NBEA: variants seen among roughly 807,000 people sequenced by gnomAD.
The protein encoded by NBEA is lysosomal-trafficking regulator 2.
NBEA carries 44 observed loss-of-function variants against 343.4 expected under a neutral mutation model. The ratio of observed to expected loss-of-function variants is 0.13; its 90% CI spans 0.10 to 0.16. The LOEUF is 0.16. Ranked by LOEUF, NBEA falls within the 10% of genes least tolerant of loss-of-function variation. The pLI is 1.00. For synonymous variants in NBEA, 1,175 were observed against 1,238.7 expected (o/e 0.95, Z 1.08); for missense variants, 2,555 against 3,631.3 (o/e 0.70, Z 7.62).
intron 1 of NBEA, among the ~76,000 whole-genome samples, chr13:34,958,675 G>C (rs1013976606): frequency 6.6e-6 from 1 of 152,204 alleles, no homozygotes; most frequent in East Asian, 1.9e-4. Flanking sequence ...TAGAACTCCG[G>C]GCATTTGTGA....
rs2075441268 is a variant in NBEA, at chr13:35,467,562, T to C, written c.6449-4838T>C. ...ATTATTTCCCTACAATGTATACCAC[T>C]TTATAAAAATAATTGTAAAAATTTA... On this transcript the variant is annotated intron_variant, in intron 40 of 58. Transcript: ENST00000379939. 2.0e-5 allele frequency among the ~76,000 whole-genome samples: 3 copies of C among 152,234 alleles called. 1 individual carries two copies. In the South Asian group the frequency reaches 6.2e-4, roughly 32 times the overall value.
At chr13:34,995,615 A>C (rs1013857162) in intron 1 of NBEA, among the ~76,000 whole-genome samples, 4 of 150,740 alleles carry the variant, frequency 2.7e-5, no homozygotes, top group Non-Finnish European at 5.9e-5. Context: ...AGAGTGGGAC[A>C]AAAAAAAACA....
Position 35,045,369 on chromosome 13 carries a change from A to G in NBEA, c.691A>G (p.Thr231Ala). Residue 231 changes from threonine to alanine, a missense_variant, in exon 4 of 59, where the codon ACT becomes GCT. Coordinates refer to ENST00000379939, the MANE Select transcript of NBEA (RefSeq NM_001385012.1). ...NQMPQRHGPD[T>A]FFNFPGCSAA... Reference sequence around the variant, plus strand: ...GATGCCACAGAGACACGGTCCTGATACTTTTTTCAATTTCCCTGGTTGTAG... The same window carrying G: ...GATGCCACAGAGACACGGTCCTGATGCTTTTTTCAATTTCCCTGGTTGTAG... 6.2e-7 allele frequency: 1 copy of G among 1,612,100 alleles called. No individual in the cohort carries two copies. Among genetic ancestry groups the G allele is most frequent in the Non-Finnish European group, 8.5e-7 (1 of 1,179,034 alleles).
At chr13:35,004,755 T>A (rs1274732954) in intron 1 of NBEA, among the ~76,000 whole-genome samples, 3 of 152,198 alleles carry the variant, frequency 2.0e-5, no homozygotes, top group African/African-American at 7.2e-5. Context: ...AAGATGAAGG[T>A]GCTATCTGGT....
intron 48 of NBEA, among the ~76,000 whole-genome samples, chr13:35,611,214 ATACAAG>A (rs1467783603): frequency 6.6e-6 from 1 of 152,182 alleles, no homozygotes; most frequent in African/African-American, 2.4e-5. Flanking sequence ...ATGAAAACTT[ATACAAG>A]TACATCAATG....
intron 17 of NBEA, among the ~76,000 whole-genome samples, chr13:35,133,735 G>A (rs974549573): frequency 3.3e-5 from 5 of 151,908 alleles, no homozygotes; most frequent in African/African-American, 1.2e-4. Context: ...TCAAAAATAC[G>A]TGAAGACAAA....
chr13:35,131,716 G>A (rs888020553), intron 17 of NBEA, among the ~76,000 whole-genome samples: 1 of 152,110 alleles, frequency 6.6e-6, no homozygotes, highest in Admixed American at 6.5e-5. Flanking sequence ...CTTAAAGCTA[G>A]CAAAATTGTT....
chr13:35,299,033 T>A (rs2036354136), intron 35 of NBEA, among the ~76,000 whole-genome samples: 1 of 152,136 alleles, frequency 6.6e-6, no homozygotes, highest in Non-Finnish European at 1.5e-5. Context: ...AGAGTGTTTT[T>A]TTCACTTCAC....
chr13:35,491,730 C>T (rs924580203), intron 41 of NBEA, among the ~76,000 whole-genome samples: 3 of 151,784 alleles, frequency 2.0e-5, no homozygotes, highest in Non-Finnish European at 4.4e-5. Flanking sequence ...AGAAAAAGTA[C>T]AAGGAATTAT....
chr13:35,197,854 C>A (rs948457887), intron 31 of NBEA, among the ~76,000 whole-genome samples: 2 of 152,086 alleles, frequency 1.3e-5, no homozygotes, highest in African/African-American at 4.8e-5. Context: ...AACACTTTTG[C>A]CAGTGTTTTA....
intron 38 of NBEA, among the ~76,000 whole-genome samples, chr13:35,355,989 C>T (rs2040471743): frequency 6.6e-6 from 1 of 151,874 alleles, no homozygotes; most frequent in Non-Finnish European, 1.5e-5. Flanking sequence ...AGCATGTAAG[C>T]TTCATAATGT....
At chr13:35,210,924 T>C (rs936117741) in intron 32 of NBEA, 129 bp from the exon 33 acceptor site, 2 of 903,586 alleles carry the variant, frequency 2.2e-6, no homozygotes, top group South Asian at 3.3e-5. Flanking sequence ...AATGGCCAAA[T>C]GATTAATTGT....
At chr13:35,355,769 C>T (rs1490458807) in intron 38 of NBEA, among the ~76,000 whole-genome samples, 1 of 151,820 alleles carries the variant, frequency 6.6e-6, no homozygotes, top group African/African-American at 2.4e-5. Context: ...CCAAAAAGTT[C>T]ATTGGTCAAA....
chr13:35,436,465 C>T (rs2045443689), intron 39 of NBEA, among the ~76,000 whole-genome samples: 3 of 152,160 alleles, frequency 2.0e-5, no homozygotes, highest in Admixed American at 1.3e-4. Flanking sequence ...AATCCCAGCA[C>T]TTTGGGAGGC....
At chr13:35,200,083 G>C (rs1388115165) in intron 31 of NBEA, among the ~76,000 whole-genome samples, 1 of 151,930 alleles carries the variant, frequency 6.6e-6, no homozygotes, top group Non-Finnish European at 1.5e-5. Context: ...TTACTGTGAG[G>C]CAGAGAGAAA....
At chr13:35,439,082 T>G (rs535126145) in intron 39 of NBEA, among the ~76,000 whole-genome samples, 4 of 152,274 alleles carry the variant, frequency 2.6e-5, no homozygotes, top group African/African-American at 9.6e-5. Context: ...TAACAGCACA[T>G]AGTTTACTGT....
intron 46 of NBEA, chr13:35,593,013 A>G (rs2081607670): frequency 4.0e-6 from 1 of 252,366 alleles, no homozygotes; most frequent in African/African-American, 2.2e-5. Flanking sequence ...ATTATTCGAA[A>G]GAAAAATCCA....
intron 41 of NBEA, among the ~76,000 whole-genome samples, chr13:35,540,536 A>C (rs1200656765): frequency 1.3e-5 from 2 of 152,208 alleles, no homozygotes; most frequent in Non-Finnish European, 2.9e-5. Context: ...GAGTAGGACA[A>C]AAATGAAGCA....
chr13:35,050,404 AAGT>A lies in NBEA; in HGVS notation c.972+11_972+13del. 1 of 1,605,046 alleles carries A rather than the reference AAGT, an allele frequency of 6.2e-7. No homozygotes were observed. Among genetic ancestry groups the A allele is most frequent in the East Asian group, 2.2e-5 (1 of 44,524 alleles). On this transcript the variant is annotated intron_variant, in intron 6 of 58. Coordinates refer to ENST00000379939, the MANE Select transcript of NBEA (RefSeq NM_001385012.1). ...ATTTTCAACCACGCAAGGTAGGTAAAAGTAAATATTTTTATAACTCACCTGTTA... is the reference window on the plus strand; with the variant it reads ...ATTTTCAACCACGCAAGGTAGGTAAAAAATATTTTTATAACTCACCTGTTA...
Sources: gnomAD v4.1 joint callset for allele counts (sites outside exome capture counted in the v4.1 genomes callset) on GRCh38, gnomAD v4.1.1 for gene constraint, MANE v1.5 for transcripts, NCBI Gene and HGNC (gene_info 2026-07-23, HGNC 2026-07-21) for gene names.